The following POLR1A variants were observed in gnomAD, a reference collection of about 807,000 sequenced individuals.
POLR1A encodes RNA polymerase I subunit A, also known as DNA-directed RNA polymerase I subunit RPA1.
In POLR1A, 84 loss-of-function variants were observed where a neutral mutation model predicts 205.3. The observed-to-expected ratio is 0.41, with a 90% CI of 0.34 to 0.49. The LOEUF (loss-of-function observed/expected upper bound fraction) is 0.49. Ranked by LOEUF, POLR1A falls within the 20% of genes least tolerant of loss-of-function variation. The probability of loss-of-function intolerance (pLI) is 0.22; values close to 1 mark genes in which losing one functional copy is unlikely to be tolerated. For missense variants in POLR1A, 1,645 were observed against 2,204.5 expected, an observed-to-expected ratio of 0.75 and a Z score of 5.08; for synonymous variants, 799 against 863.7, an observed-to-expected ratio of 0.93 and a Z score of 1.31.
At position 86,095,224 on chromosome 2, in the gene POLR1A, G is replaced by A. The variant is rs188580920; in HGVS notation, c.432+3387C>T. ...TCCCAGCTTGCTCTGCCCACCTAAT[G>A]TCTTCGGGACTGAAGCATCCAAGAA... On this transcript the variant is annotated intron_variant, in intron 3 of 33. Coordinates refer to ENST00000263857, the MANE Select transcript of POLR1A (RefSeq NM_015425.6). Among the ~76,000 whole-genome samples the A allele has an allele frequency of 6.4e-4, 98 of 152,284 alleles. 1 individual carries two copies. Among genetic ancestry groups the A allele is most frequent in the African/African-American group, 2.2e-3 (93 of 41,562 alleles).
At chr2:86,102,227 G>T (rs1673833948) in intron 1 of POLR1A, among the ~76,000 whole-genome samples, 1 of 152,120 alleles carries the variant, frequency 6.6e-6, no homozygotes, top group South Asian at 2.1e-4. Flanking sequence ...TTTCCATAGT[G>T]GTTGCACCAT....
intron 26 of POLR1A, chr2:86,039,064 C>T: frequency 1.6e-6 from 1 of 644,058 alleles, no homozygotes; most frequent in Non-Finnish European, 2.7e-6. Flanking sequence ...CCTGAACCTC[C>T]TAGGAGTGGC....
At chr2:86,091,155 T>A (rs1364082106) in intron 3 of POLR1A, among the ~76,000 whole-genome samples, 1 of 152,174 alleles carries the variant, frequency 6.6e-6, no homozygotes, top group Non-Finnish European at 1.5e-5. Flanking sequence ...TGAACCTGGA[T>A]AATGACAGTC....
chr2:86,041,207 TG>T, intron 24 of POLR1A, among the ~76,000 whole-genome samples: 1 of 110,980 alleles, frequency 9.0e-6, no homozygotes, highest in East Asian at 2.4e-4. Context: ...TGAGCTACAG[TG>T]TCTGTGTGTG....
At chr2:86,097,820 T>C (rs1373412573) in intron 3 of POLR1A, among the ~76,000 whole-genome samples, 1 of 152,122 alleles carries the variant, frequency 6.6e-6, no homozygotes, top group Non-Finnish European at 1.5e-5. Flanking sequence ...AATTCTAGTG[T>C]TCTACACCAT....
Position 86,030,318 on chromosome 2 carries a change from T to A in POLR1A, c.4657A>T (p.Ile1553Phe). Residue 1553 changes from isoleucine to phenylalanine, a missense_variant, in exon 31 of 34, where the codon ATC becomes TTC. By Grantham distance (21) the Ile-to-Phe change is conservative. This residue lies in a region of POLR1A where 394 missense variants were observed against 468.5 expected (regional missense o/e 0.84). Coordinates refer to ENST00000263857, the MANE Select transcript of POLR1A (RefSeq NM_015425.6). ...CGAGTGATGCCCTTGGTCGCATAGA[T>A]GACGGCACCATGGGCCAAAGATACT... The part of the protein sequence containing the change: ...LVVSLAHGAV[I>F]YATKGITRCL... 6.2e-7 allele frequency: 1 copy of A among 1,614,046 alleles called. No homozygotes were observed. The highest frequency in any genetic ancestry group is 8.5e-7 in the Non-Finnish European group (1 of 1,179,872).
At chr2:86,047,382 C>T (rs1358835397) in intron 18 of POLR1A, 119 bp from the exon 19 acceptor site, 2 of 668,452 alleles carry the variant, frequency 3.0e-6, no homozygotes, top group Admixed American at 4.6e-5. Flanking sequence ...GACCTAAGTA[C>T]CAAATCCCAC....
chr2:86,077,992 A>G lies in POLR1A; in HGVS notation c.1258-11T>C. On this transcript the variant is annotated splice_polypyrimidine_tract_variant and intron_variant, in intron 10 of 33. Transcript: ENST00000263857. ...TTTCTTCTCCAGGATCTTTATGGAG[A>G]AAAAAGGTCATAAAAAACATTCAAC... is the stretch of plus-strand genomic sequence containing the variant. The G allele has an allele frequency of 1.9e-6, 3 of 1,613,834 alleles. No individual in the cohort carries two copies. Among genetic ancestry groups the G allele is most frequent in the Non-Finnish European group, 2.5e-6 (3 of 1,179,856 alleles).
At chr2:86,101,906 G>C (rs1673828686) in intron 1 of POLR1A, among the ~76,000 whole-genome samples, 1 of 152,150 alleles carries the variant, frequency 6.6e-6, no homozygotes, top group South Asian at 2.1e-4. Flanking sequence ...TTTGTGACTG[G>C]CTTATTTCAC....
Position 86,048,940 on chromosome 2 carries a change from T to C in POLR1A, c.2578A>G (p.Met860Val), listed in dbSNP as rs748602221. The C allele has an allele frequency of 2.0e-5, 32 of 1,614,166 alleles. No homozygotes were observed. The highest frequency in any genetic ancestry group is 2.5e-5 in the Non-Finnish European group (30 of 1,179,954). The stretch of plus-strand genomic sequence containing the variant: ...TCCTCCTTGAACTTCAGATCAATCA[T>C]GTTAAAATCCCTCTGGTCCTTGCCC... ...HLGKDQRDFN[M>V]IDLKFKEEVN... Residue 860 changes from methionine to valine, a missense_variant, in exon 18 of 34, where the codon ATG becomes GTG. Physicochemically the swap from Met to Val is conservative, Grantham distance 21 (BLOSUM62 1). Coordinates refer to ENST00000263857, the MANE Select transcript of POLR1A (RefSeq NM_015425.6).
At position 86,024,571 on chromosome 2, in the gene POLR1A, T is replaced by C. The variant is rs2104372612; in HGVS notation, c.*2852A>G. 6.6e-6 allele frequency: 1 copy of C among 152,312 alleles called. No individual in the cohort carries two copies. Among genetic ancestry groups the C allele is most frequent in the African/African-American group, 2.4e-5 (1 of 41,568 alleles). 9.4% of individuals were successfully genotyped at this position (152,312 alleles called of 1,614,324 possible). A position where few individuals can be genotyped will look rare whatever the true frequency, so the allele number is the denominator to read the frequency against. ...TATCTGTGGGAATGCTGATAGTGTTTCTGGTGAGAACCCAAAAAAGAGACA... is the reference window on the plus strand; with the variant it reads ...TATCTGTGGGAATGCTGATAGTGTTCCTGGTGAGAACCCAAAAAAGAGACA... On this transcript the variant is annotated 3_prime_UTR_variant, in exon 34 of 34. Coordinates refer to ENST00000263857, the MANE Select transcript of POLR1A (RefSeq NM_015425.6).
In POLR1A at chr2:86,045,608, A is replaced by G. The variant is rs1209329717; in HGVS notation, c.2886+9T>C. On this transcript the variant is annotated intron_variant, in intron 20 of 33. Transcript: ENST00000263857. ...GGAAAAAGCTAAATGGAAAAACCAA[A>G]ATACATACAGGAGGTTTGATGCCGG... 1 of 1,614,108 alleles carries G rather than the reference A, an allele frequency of 6.2e-7. No homozygotes were observed. Among genetic ancestry groups the G allele is most frequent in the Admixed American group, 1.7e-5 (1 of 60,024 alleles).
intron 24 of POLR1A, among the ~76,000 whole-genome samples, chr2:86,041,367 G>GCA (rs555324409): frequency 8.3e-4 from 124 of 148,968 alleles, no homozygotes; most frequent in African/African-American, 3.0e-3. Context: ...GTGTGTGTGC[G>GCA]CGCGCGCGCT....
intron 6 of POLR1A, among the ~76,000 whole-genome samples, chr2:86,087,849 T>C (rs1288910660): frequency 1.3e-5 from 2 of 152,174 alleles, no homozygotes; most frequent in African/African-American, 4.8e-5. Context: ...AGCCAGGTTA[T>C]GCATTTTCTA....
In POLR1A at chr2:86,030,329, T is replaced by G. The variant is rs368528609; in HGVS notation, c.4646A>C (p.His1549Pro). The G allele has an allele frequency of 6.8e-6, 11 of 1,613,932 alleles. No homozygotes were observed. The highest frequency in any genetic ancestry group is 9.3e-6 in the Non-Finnish European group (11 of 1,179,908). The change falls in exon 31 of 34, where the codon CAT becomes CCT. Residue 1549 changes from histidine to proline, a missense_variant. Physicochemically the swap from His to Pro is moderately conservative, Grantham distance 77. Coordinates refer to ENST00000263857, the MANE Select transcript of POLR1A (RefSeq NM_015425.6). ...CTTGGTCGCATAGATGACGGCACCA[T>G]GGGCCAAAGATACTACCAGGGAGCT... ...DMSSLVVSLA[H>P]GAVIYATKGI...
rs1381160086 is a variant in POLR1A at position 86,032,191 on chromosome 2, G to A, written c.4272+81C>T. On this transcript the variant is annotated intron_variant, in intron 29 of 33. Transcript: ENST00000263857. ...GTTCATGACACAGAGGTGTGGCCTGGGTGCCGGGAGATAATCCCTCCAGGT... is the reference window on the plus strand; with the variant it reads ...GTTCATGACACAGAGGTGTGGCCTGAGTGCCGGGAGATAATCCCTCCAGGT... The A allele has an allele frequency of 3.1e-6, 3 of 954,380 alleles. No individual in the cohort carries two copies. The African/African-American group carries it at 4.8e-5, about 15-fold the overall frequency. 59.1% of individuals were successfully genotyped at this position (954,380 alleles called of 1,614,324 possible).
intron 17 of POLR1A, 37 bp downstream of exon 17, chr2:86,049,123 C>T (rs201070540): frequency 4.3e-5 from 70 of 1,610,870 alleles, no homozygotes; most frequent in Non-Finnish European, 5.8e-5. Context: ...CACTTCACCC[C>T]TCTAGGGCAG....
chr2:86,040,750 C>G (rs1268116836), intron 24 of POLR1A, among the ~76,000 whole-genome samples, 191 bp from the exon 25 acceptor site: 1 of 152,190 alleles, frequency 6.6e-6, no homozygotes, highest in Non-Finnish European at 1.5e-5. Flanking sequence ...TCAAATTACA[C>G]AGCACAGATC....
At chr2:86,048,011 G>A (rs1275508506) in intron 18 of POLR1A, among the ~76,000 whole-genome samples, 1 of 152,148 alleles carries the variant, frequency 6.6e-6, no homozygotes, top group African/African-American at 2.4e-5. Flanking sequence ...TGGTTCTCAG[G>A]GAGGTGCTAG....
Sources: allele counts gnomAD v4.1 joint callset (sites outside exome capture counted in the v4.1 genomes callset), GRCh38; gene constraint gnomAD v4.1.1; regional missense constraint gnomAD v4.1.1; transcripts MANE v1.5; gene names NCBI Gene and HGNC (gene_info 2026-07-23, HGNC 2026-07-21).